PHF24: variants seen among roughly 807,000 people sequenced by gnomAD.
PHF24 encodes Galpha inhibitory interacting protein.
In PHF24, 25 loss-of-function variants were observed where a neutral mutation model predicts 42.6. The observed-to-expected ratio is 0.59, with a 90% confidence interval of 0.43 to 0.82. The LOEUF is 0.82. Ranked by LOEUF, PHF24 falls within the 40% of genes least tolerant of loss-of-function variation. The pLI is 0.00. For synonymous variants in PHF24, 185 were observed against 204.8 expected (o/e 0.90, Z 0.83); for missense variants, 470 against 538.1 (o/e 0.87, Z 1.25).
At chr9:34,861,983 T>C in the PHF24 span, among the ~76,000 whole-genome samples, 1 of 152,106 alleles carries the variant, frequency 6.6e-6, no homozygotes. Flanking sequence ...GGCTGGGAAG[T>C]TCAAGATCTG....
chr9:34,857,848 C>T, the PHF24 span, among the ~76,000 whole-genome samples: 17 of 152,104 alleles, frequency 1.1e-4, no homozygotes, highest in Non-Finnish European at 7.4e-5. Context: ...TTGCATTTTT[C>T]ATTTCATTCA....
At chr9:34,810,051 T>C in the PHF24 span, among the ~76,000 whole-genome samples, 2 of 151,442 alleles carry the variant, frequency 1.3e-5, no homozygotes, top group Non-Finnish European at 2.9e-5. Flanking sequence ...ACTCGGCAGC[T>C]CAGCCAGCGC....
the PHF24 span, chr9:34,894,348 A>G: frequency 2.5e-6 from 1 of 397,490 alleles, no homozygotes; most frequent in Non-Finnish European, 4.4e-6. Flanking sequence ...CCTCCCATCC[A>G]TTTTCCCTCT....
At chr9:34,767,382 G>C in the PHF24 span, among the ~76,000 whole-genome samples, 2 of 152,246 alleles carry the variant, frequency 1.3e-5, no homozygotes, top group Non-Finnish European at 2.9e-5. Context: ...AGGCTGCTTT[G>C]TTTACCTAAG....
At chr9:34,851,528 G>A in the PHF24 span, among the ~76,000 whole-genome samples, 5 of 152,168 alleles carry the variant, frequency 3.3e-5, no homozygotes, top group Non-Finnish European at 7.4e-5. Flanking sequence ...ACTAGGAAAG[G>A]GAACTCCCTG....
At chr9:34,686,175 A>G in the PHF24 span, among the ~76,000 whole-genome samples, 2 of 152,198 alleles carry the variant, frequency 1.3e-5, no homozygotes, top group Non-Finnish European at 2.9e-5. Context: ...GCTGATTCCT[A>G]CAGAGGGGCA....
the PHF24 span, among the ~76,000 whole-genome samples, chr9:34,729,872 C>T: frequency 6.6e-6 from 1 of 152,172 alleles, no homozygotes; most frequent in Non-Finnish European, 1.5e-5. Flanking sequence ...GAGAAACACA[C>T]ATGAATTTAG....
chr9:34,770,955 A>C, the PHF24 span, among the ~76,000 whole-genome samples: 524 of 152,184 alleles, frequency 3.4e-3, 4 homozygotes, highest in African/African-American at 0.012. Context: ...CTCTACTAAA[A>C]ATACAAAATT....
chr9:34,691,166 G>A, the PHF24 span: 3 of 1,610,380 alleles, frequency 1.9e-6, no homozygotes, highest in Non-Finnish European at 2.5e-6. Flanking sequence ...CAGGCCAACG[G>A]TGAATGTGTG....
the PHF24 span, among the ~76,000 whole-genome samples, chr9:34,823,099 G>C: frequency 3.1e-3 from 469 of 150,970 alleles, 4 homozygotes; most frequent in Non-Finnish European, 4.0e-3. Context: ...GGGAGGCTGA[G>C]GCAGGAGAAT....
At chr9:34,721,463 G>A in the PHF24 span, among the ~76,000 whole-genome samples, 3 of 150,562 alleles carry the variant, frequency 2.0e-5, no homozygotes, top group African/African-American at 4.9e-5. Flanking sequence ...CGCCCAGGCT[G>A]GAATGCAATG....
At chr9:34,691,722 G>A in the PHF24 span, among the ~76,000 whole-genome samples, 1 of 152,140 alleles carries the variant, frequency 6.6e-6, no homozygotes, top group Non-Finnish European at 1.5e-5. Flanking sequence ...AGATCCTGGG[G>A]TGGCCTCCAA....
intron 1 of PHF24, among the ~76,000 whole-genome samples, chr9:34,968,605 C>T (rs557352566): frequency 4.2e-4 from 64 of 152,258 alleles, no homozygotes; most frequent in African/African-American, 1.5e-3. Flanking sequence ...AAGGCAAGCA[C>T]GTGAGCAGTG....
At chr9:34,806,707 C>T in the PHF24 span, among the ~76,000 whole-genome samples, 1 of 152,218 alleles carries the variant, frequency 6.6e-6, no homozygotes, top group African/African-American at 2.4e-5. Context: ...GATCCACCCA[C>T]CTCAGCCTCC....
At chr9:34,728,134 C>T in the PHF24 span, 13 of 1,510,590 alleles carry the variant, frequency 8.6e-6, no homozygotes, top group Non-Finnish European at 1.2e-5. Flanking sequence ...TCATAGGCAT[C>T]CTATAGGAAG....
the PHF24 span, among the ~76,000 whole-genome samples, chr9:34,867,199 A>G: frequency 7.9e-5 from 12 of 152,206 alleles, no homozygotes; most frequent in Non-Finnish European, 1.6e-4. Context: ...GTGGGATTGC[A>G]CTTAGGAAGC....
the PHF24 span, among the ~76,000 whole-genome samples, chr9:34,945,697 T>C: frequency 6.6e-6 from 1 of 152,186 alleles, no homozygotes; most frequent in Non-Finnish European, 1.5e-5. Flanking sequence ...CTGTACTCAC[T>C]TGCCCTTCCA....
At chr9:34,879,975 A>G in the PHF24 span, among the ~76,000 whole-genome samples, 3 of 152,242 alleles carry the variant, frequency 2.0e-5, no homozygotes, top group Non-Finnish European at 4.4e-5. Context: ...CCACAAAGGG[A>G]AGCCCATCAG....
the PHF24 span, among the ~76,000 whole-genome samples, chr9:34,840,076 G>A: frequency 6.6e-6 from 1 of 152,206 alleles, no homozygotes; most frequent in Non-Finnish European, 1.5e-5. Context: ...GGATTGGAGA[G>A]CAATTGTGGG....
Sources: gnomAD v4.1 joint callset for allele counts (sites outside exome capture counted in the v4.1 genomes callset) on GRCh38, gnomAD v4.1.1 for gene constraint, MANE v1.5 for transcripts, NCBI Gene and HGNC (gene_info 2026-07-23, HGNC 2026-07-21) for gene names.